Variants in SLC4A4 observed in about 807,000 individuals in gnomAD.
SLC4A4 encodes electrogenic sodium bicarbonate cotransporter 1.
SLC4A4 carries 27 observed loss-of-function variants against 111.5 expected under a neutral mutation model. That is an observed-to-expected ratio of 0.24 (90% CI 0.18 to 0.33). The LOEUF (loss-of-function observed/expected upper bound fraction) is 0.33. Ranked by LOEUF, SLC4A4 falls within the 10% of genes least tolerant of loss-of-function variation. The pLI is 1.00. For missense variants in SLC4A4, 909 were observed against 1,315.5 expected (o/e 0.69, Z 4.78); for synonymous variants, 443 against 463.4 (o/e 0.96, Z 0.57).
intron 8 of SLC4A4, among the ~76,000 whole-genome samples, chr4:71,446,699 C>T (rs1386835399): frequency 6.6e-6 from 1 of 152,174 alleles, no homozygotes; most frequent in Non-Finnish European, 1.5e-5. Flanking sequence ...GCCTTATAAG[C>T]TGGGCAGGCA....
chr4:71,499,757 G>C (rs1399607369), intron 16 of SLC4A4, among the ~76,000 whole-genome samples: 1 of 152,068 alleles, frequency 6.6e-6, no homozygotes, highest in Non-Finnish European at 1.5e-5. Flanking sequence ...GCTAATGACA[G>C]AATTTCCTTT....
chr4:71,560,201 G>T lies in SLC4A4; in HGVS notation c.3046G>T (p.Asp1016Tyr). Residue 1016 changes from aspartate (D) to tyrosine (Y), a missense_variant, in exon 23 of 26, where the codon GAT becomes TAT. Coordinates refer to ENST00000264485, the MANE Select transcript of SLC4A4 (RefSeq NM_001098484.3). ...IPEKDKKKKEDEKKKKKKKGS... is the reference protein window; with the variant it reads ...IPEKDKKKKEYEKKKKKKKGS... ...AGAAAAGGACAAGAAAAAGAAGGAG[G>T]ATGAGAAGAAAAAGAAAAAGAAGAA... 1 of 1,610,670 alleles carries T rather than the reference G, an allele frequency of 6.2e-7. No homozygotes were observed. The highest frequency in any genetic ancestry group is 8.5e-7 in the Non-Finnish European group (1 of 1,177,746).
Position 71,536,485 on chromosome 4 carries a change from T to TATATATATATAA in SLC4A4, c.2442+2099_2442+2100insATATATATAAAT, listed in dbSNP as rs760037325. On this transcript the variant is annotated intron_variant, in intron 18 of 25. Coordinates refer to ENST00000264485, the MANE Select transcript of SLC4A4 (RefSeq NM_001098484.3). ...ATATACATATATATATATATATATA[T>TATATATATATAA]ATGTATATATTTATTTATTTATTTA... Among the ~76,000 whole-genome samples, 492 of 83,738 alleles carry TATATATATATAA rather than the reference T, an allele frequency of 5.9e-3. 4 individuals are homozygous for TATATATATATAA. The highest frequency in any genetic ancestry group is 6.9e-3 in the Non-Finnish European group (311 of 45,238). The allele number at this position is 83,738 out of a possible 152,430, so 54.9% of individuals were successfully genotyped here. A position where few individuals can be genotyped will look rare whatever the true frequency, so the allele number is the denominator to read the frequency against.
At chr4:71,395,619 C>T (rs1399336900) in intron 6 of SLC4A4, among the ~76,000 whole-genome samples, 1 of 152,114 alleles carries the variant, frequency 6.6e-6, no homozygotes. Context: ...TAATGAAAAC[C>T]TCATTAATTT....
At chr4:71,540,981 G>T (rs1278531031) in intron 18 of SLC4A4, among the ~76,000 whole-genome samples, 1 of 152,126 alleles carries the variant, frequency 6.6e-6, no homozygotes, top group Non-Finnish European at 1.5e-5. Flanking sequence ...ATTATTGACA[G>T]TTGGAAATTT....
intron 1 of SLC4A4, among the ~76,000 whole-genome samples, chr4:71,192,052 T>C (rs1321000980): frequency 1.3e-5 from 2 of 152,212 alleles, no homozygotes; most frequent in Non-Finnish European, 1.5e-5. Context: ...GTGACACAAC[T>C]AGAAAAATCT....
intron 23 of SLC4A4, among the ~76,000 whole-genome samples, chr4:71,563,042 A>C (rs1468865918): frequency 1.3e-5 from 2 of 151,930 alleles, no homozygotes; most frequent in Admixed American, 1.3e-4. Context: ...TAAAAAAAAC[A>C]AAGTGGTAAT....
rs750899360 is a variant in SLC4A4 at position 71,563,926 on chromosome 4, A to G, written c.3196+37A>G. 7 of 1,314,584 alleles carry G rather than the reference A, an allele frequency of 5.3e-6. No homozygotes were observed. The highest frequency in any genetic ancestry group is 4.4e-6 in the Non-Finnish European group (4 of 907,946). 81.4% of individuals were successfully genotyped at this position (1,314,584 alleles called of 1,614,324 possible). ...TAACCTCTTGCATGCTTGCTTGAAT[A>G]TGATTTGCACTTACAGAGAAAACAC... On this transcript the variant is annotated intron_variant, in intron 24 of 25. Coordinates refer to ENST00000264485, the MANE Select transcript of SLC4A4 (RefSeq NM_001098484.3).
intron 2 of SLC4A4, among the ~76,000 whole-genome samples, chr4:71,093,465 C>T (rs28430943): frequency 0.092 from 13,952 of 152,152 alleles, 794 homozygotes; most frequent in African/African-American, 0.16. Flanking sequence ...ACTGCATTGG[C>T]CTATTTTTAC....
At chr4:71,416,854 A>C (rs2149010604) in intron 7 of SLC4A4, among the ~76,000 whole-genome samples, 1 of 152,192 alleles carries the variant, frequency 6.6e-6, no homozygotes, top group East Asian at 1.9e-4. Context: ...CCAAAGAAAG[A>C]CTCTTTTTCA....
At chr4:71,181,533 G>A (rs1745293671) in intron 2 of SLC4A4, among the ~76,000 whole-genome samples, 3 of 152,120 alleles carry the variant, frequency 2.0e-5, no homozygotes, top group Admixed American at 2.0e-4. Context: ...CAATGTTATT[G>A]TGTAAGAAGA....
chr4:71,569,600 A>G lies in SLC4A4; in HGVS notation c.*1849A>G, dbSNP rs1194349906. The G allele has an allele frequency of 1.3e-5, 2 of 151,736 alleles. No individual in the cohort carries two copies. The highest frequency in any genetic ancestry group is 1.3e-4 in the Admixed American group (2 of 15,210). 9.4% of individuals were successfully genotyped at this position (151,736 alleles called of 1,614,324 possible). A position where few individuals can be genotyped will look rare whatever the true frequency, so the allele number is the denominator to read the frequency against. The stretch of plus-strand genomic sequence containing the variant: ...TTTTAAATGTTAAAATTATAATTTC[A>G]GATTCATATAACCACAACTGTGATA... On this transcript the variant is annotated 3_prime_UTR_variant, in exon 26 of 26. Coordinates refer to ENST00000264485, the MANE Select transcript of SLC4A4 (RefSeq NM_001098484.3).
intron 2 of SLC4A4, among the ~76,000 whole-genome samples, chr4:71,138,770 C>G (rs553633819): frequency 3.9e-5 from 6 of 152,030 alleles, no homozygotes; most frequent in Non-Finnish European, 8.8e-5. Flanking sequence ...GGCGCGGTGG[C>G]TCACGCCTGT....
At chr4:71,510,991 G>A (rs979197222) in intron 16 of SLC4A4, among the ~76,000 whole-genome samples, 1 of 151,814 alleles carries the variant, frequency 6.6e-6, no homozygotes, top group African/African-American at 2.4e-5. Flanking sequence ...AAACAATTTT[G>A]TACTTTTACT....
chr4:71,192,853 G>A (rs971620799), intron 1 of SLC4A4, among the ~76,000 whole-genome samples: 4 of 152,132 alleles, frequency 2.6e-5, no homozygotes, highest in African/African-American at 7.2e-5. Flanking sequence ...CCCTCTTCAA[G>A]TCATTACTTC....
intron 2 of SLC4A4, among the ~76,000 whole-genome samples, chr4:71,108,573 T>C (rs1743004223): frequency 6.6e-6 from 1 of 152,228 alleles, no homozygotes; most frequent in Admixed American, 6.5e-5. Context: ...AAGATTCTCT[T>C]TGCCTTTGTC....
Position 71,342,941 on chromosome 4 carries a change from C to T in SLC4A4, c.389+3436C>T, listed in dbSNP as rs148076623. ...GAGAGGAAGAGTGTTGGGAGTGTAT[C>T]GTGTGTCACGTCCACGCTGTATAAC... is the stretch of plus-strand genomic sequence containing the variant. On this transcript the variant is annotated intron_variant, in intron 4 of 25. Transcript: ENST00000264485. 3.2e-3 allele frequency among the ~76,000 whole-genome samples: 488 copies of T among 152,222 alleles called. 1 individual carries two copies. The highest frequency in any genetic ancestry group is 5.4e-3 in the Non-Finnish European group (366 of 68,008).
intron 18 of SLC4A4, among the ~76,000 whole-genome samples, chr4:71,536,640 G>A (rs1414315634): frequency 6.6e-6 from 1 of 150,442 alleles, no homozygotes; most frequent in East Asian, 2.0e-4. Flanking sequence ...GGAATTACAG[G>A]GGCATGCCAC....
chr4:71,332,653 C>G, intron 3 of SLC4A4, among the ~76,000 whole-genome samples: 1 of 151,974 alleles, frequency 6.6e-6, no homozygotes, highest in East Asian at 1.9e-4. Flanking sequence ...ACTGTGGTCT[C>G]GATCTCCTGA....
Sources: gnomAD v4.1 joint callset for allele counts (sites outside exome capture counted in the v4.1 genomes callset) on GRCh38, gnomAD v4.1.1 for gene constraint, MANE v1.5 for transcripts, NCBI Gene and HGNC (gene_info 2026-07-23, HGNC 2026-07-21) for gene names.